MTMR3: variants seen among roughly 807,000 people sequenced by gnomAD.
MTMR3 encodes phosphatidylinositol-3,5-bisphosphate 3-phosphatase MTMR3.
A neutral mutation model predicts 132.4 loss-of-function variants in MTMR3; 32 were observed. The ratio of observed to expected loss-of-function variants is 0.24; its 90% CI spans 0.18 to 0.32. The LOEUF (loss-of-function observed/expected upper bound fraction) is 0.32, where lower values mean the gene tolerates loss of function less well. MTMR3 is among the 10% of genes least tolerant of loss of function. The pLI is 1.00. For missense variants in MTMR3, 1,216 were observed against 1,489.6 expected (o/e 0.82, Z 3.02); for synonymous variants, 556 against 550.3 (o/e 1.01, Z -0.14).
intron 2 of MTMR3, among the ~76,000 whole-genome samples, chr22:29,963,623 T>A (rs985701126): frequency 6.6e-6 from 1 of 152,054 alleles, no homozygotes; most frequent in Non-Finnish European, 1.5e-5. Context: ...CTTGACCTTG[T>A]GATCTGCCCT....
intron 16 of MTMR3, 41 bp from the exon 17 acceptor site, chr22:30,019,439 G>C: frequency 6.4e-7 from 1 of 1,553,368 alleles, no homozygotes. Flanking sequence ...CCTCCAAACA[G>C]TTTCCAAGAT....
At chr22:29,974,580 G>A (rs2066595711) in intron 3 of MTMR3, among the ~76,000 whole-genome samples, 1 of 152,204 alleles carries the variant, frequency 6.6e-6, no homozygotes, top group African/African-American at 2.4e-5. Flanking sequence ...TCAGTTTTCA[G>A]TAGCTACTTT....
chr22:30,018,370 C>A, intron 16 of MTMR3: 1 of 318,766 alleles, frequency 3.1e-6, no homozygotes, highest in Non-Finnish European at 5.7e-6. Flanking sequence ...GTGTTTTCCC[C>A]AGTGCTCTGT....
intron 1 of MTMR3, among the ~76,000 whole-genome samples, chr22:29,923,397 G>C (rs2065457958): frequency 6.6e-6 from 1 of 151,564 alleles, no homozygotes; most frequent in Non-Finnish European, 1.5e-5. Flanking sequence ...TAGACATAGG[G>C]TTTTGCCATG....
intron 5 of MTMR3, chr22:29,985,360 G>T (rs1010700223): frequency 6.6e-6 from 1 of 152,036 alleles, no homozygotes; most frequent in Non-Finnish European, 1.5e-5. Flanking sequence ...TTAGCTGGGC[G>T]TGGTGGCTGG....
intron 1 of MTMR3, among the ~76,000 whole-genome samples, chr22:29,949,780 C>T (rs866171014): frequency 4.0e-5 from 6 of 151,896 alleles, no homozygotes; most frequent in African/African-American, 1.2e-4. Flanking sequence ...GAAGGAGAGT[C>T]GTCAGTCTAG....
At chr22:29,980,488 G>A (rs2066719323) in intron 5 of MTMR3, 1 of 152,222 alleles carries the variant, frequency 6.6e-6, no homozygotes, top group South Asian at 2.1e-4. Flanking sequence ...GGGGAAAGGG[G>A]GGAAACACCT....
intron 7 of MTMR3, chr22:29,994,023 TG>T: frequency 1.5e-6 from 1 of 664,158 alleles, no homozygotes; most frequent in Non-Finnish European, 1.9e-6. Flanking sequence ...TGCTTTAAAG[TG>T]GGACATTCAT....
In MTMR3 at chr22:29,895,718, A is replaced by G. The variant is rs188301651; in HGVS notation, c.-138+12359A>G. 7.4e-3 allele frequency among the ~76,000 whole-genome samples: 1,121 copies of G among 152,202 alleles called. 10 individuals are homozygous for G. Among genetic ancestry groups the G allele is most frequent in the African/African-American group, 0.025 (1,057 of 41,528 alleles). ...TTTGCTGAGCATACTTCTCAGATGTATTGGTTTTACTGGGATTCAGAAAGC... is the reference window on the plus strand; with the variant it reads ...TTTGCTGAGCATACTTCTCAGATGTGTTGGTTTTACTGGGATTCAGAAAGC... On this transcript the variant is annotated intron_variant, in intron 1 of 19. Transcript: ENST00000401950.
chr22:29,914,194 G>C (rs1342309626), intron 1 of MTMR3, among the ~76,000 whole-genome samples: 1 of 152,202 alleles, frequency 6.6e-6, no homozygotes, highest in Non-Finnish European at 1.5e-5. Flanking sequence ...AGTTTTTAAA[G>C]TAACGGCCTA....
intron 1 of MTMR3, among the ~76,000 whole-genome samples, chr22:29,919,633 C>A (rs2065372565): frequency 6.6e-6 from 1 of 152,036 alleles, no homozygotes; most frequent in Admixed American, 6.6e-5. Context: ...AGCGATCTTC[C>A]CACTTCAGCC....
intron 7 of MTMR3, chr22:29,997,927 T>C (rs1350102261): frequency 6.6e-6 from 1 of 152,252 alleles, no homozygotes; most frequent in African/African-American, 2.4e-5. Context: ...CCTAATATTA[T>C]ATTCGCTGTC....
At chr22:29,904,366 T>G (rs926246309) in intron 1 of MTMR3, among the ~76,000 whole-genome samples, 12 of 152,252 alleles carry the variant, frequency 7.9e-5, no homozygotes, top group African/African-American at 2.9e-4. Context: ...AGTGAGTAGC[T>G]GAAATAGTAC....
intron 1 of MTMR3, among the ~76,000 whole-genome samples, chr22:29,945,618 T>C (rs1006789628): frequency 7.9e-5 from 12 of 151,694 alleles, no homozygotes; most frequent in African/African-American, 2.9e-4. Flanking sequence ...GACAGTAGGA[T>C]TGCTTGAGTC....
intron 1 of MTMR3, among the ~76,000 whole-genome samples, chr22:29,908,249 A>G (rs1602448369): frequency 1.3e-5 from 2 of 152,328 alleles, no homozygotes; most frequent in African/African-American, 2.4e-5. Context: ...AAGAAGCTCA[A>G]TGCCATATTA....
chr22:29,952,514 A>C (rs1699068083), intron 1 of MTMR3, among the ~76,000 whole-genome samples: 1 of 152,090 alleles, frequency 6.6e-6, no homozygotes, highest in Admixed American at 6.5e-5. Flanking sequence ...ATGGTCATCA[A>C]TAGGGAAAAA....
intron 1 of MTMR3, among the ~76,000 whole-genome samples, chr22:29,904,408 C>A (rs558953207): frequency 3.9e-5 from 6 of 152,190 alleles, no homozygotes; most frequent in Non-Finnish European, 8.8e-5. Context: ...GATGCTGTTT[C>A]CACTTTTGCA....
intron 7 of MTMR3, chr22:29,997,331 C>T (rs1427624758): frequency 6.6e-6 from 1 of 152,168 alleles, no homozygotes; most frequent in East Asian, 1.9e-4. Context: ...TTCTGTAGCT[C>T]CTCTCCCAGG....
chr22:30,023,317 C>T (rs1241393075), intron 19 of MTMR3: 6 of 816,904 alleles, frequency 7.3e-6, no homozygotes, highest in Non-Finnish European at 1.3e-5. Context: ...AGCTCACCCA[C>T]ACGAGTGGGT....
Sources: gnomAD v4.1 joint callset for allele counts (sites outside exome capture counted in the v4.1 genomes callset) on GRCh38, gnomAD v4.1.1 for gene constraint, MANE v1.5 for transcripts, NCBI Gene and HGNC (gene_info 2026-07-23, HGNC 2026-07-21) for gene names.